Variants in DSCAML1 observed in about 807,000 individuals in gnomAD.
The protein encoded by DSCAML1 is DS cell adhesion molecule like 1.
DSCAML1 carries 38 observed loss-of-function variants against 200.5 expected under a neutral mutation model. The observed-to-expected ratio is 0.19, with a 90% confidence interval of 0.15 to 0.25. The LOEUF (loss-of-function observed/expected upper bound fraction) is 0.25. Ranked by LOEUF, DSCAML1 falls within the 10% of genes least tolerant of loss-of-function variation. The probability of loss-of-function intolerance (pLI) is 1.00; values close to 1 mark genes in which losing one functional copy is unlikely to be tolerated. For missense variants in DSCAML1, 2,223 were observed against 2,858.8 expected (o/e 0.78, Z 5.07); for synonymous variants, 1,215 against 1,165.0 (o/e 1.04, Z -0.87).
At chr11:117,508,058 C>T (rs1441069398) in intron 8 of DSCAML1, among the ~76,000 whole-genome samples, 2 of 152,144 alleles carry the variant, frequency 1.3e-5, no homozygotes, top group Admixed American at 6.5e-5. Flanking sequence ...ATCTAGGCCT[C>T]CCAGCTCCCT....
chr11:117,523,104 T>A (rs1413481093), intron 5 of DSCAML1, among the ~76,000 whole-genome samples: 4 of 152,178 alleles, frequency 2.6e-5, no homozygotes, highest in Non-Finnish European at 4.4e-5. Flanking sequence ...TACGTGTGCA[T>A]GCGTACTTGG....
chr11:117,657,933 G>A (rs2052767221), intron 3 of DSCAML1, among the ~76,000 whole-genome samples: 1 of 152,234 alleles, frequency 6.6e-6, no homozygotes, highest in Admixed American at 6.5e-5. Flanking sequence ...TGGTGCATAC[G>A]CTGGCCCAGC....
chr11:117,527,352 T>G (rs973652912), intron 4 of DSCAML1, among the ~76,000 whole-genome samples: 7 of 152,140 alleles, frequency 4.6e-5, no homozygotes, highest in African/African-American at 1.7e-4. Flanking sequence ...CCATCAGCAC[T>G]GCCCCTTCCA....
At chr11:117,622,729 A>G (rs2051958608) in intron 3 of DSCAML1, among the ~76,000 whole-genome samples, 1 of 152,174 alleles carries the variant, frequency 6.6e-6, no homozygotes. Context: ...AAACTGAAGC[A>G]GGTCAAGTTC....
At chr11:117,736,663 C>G (rs189496143) in intron 3 of DSCAML1, among the ~76,000 whole-genome samples, 3 of 152,324 alleles carry the variant, frequency 2.0e-5, no homozygotes, top group African/African-American at 7.2e-5. Flanking sequence ...CATTCTACAG[C>G]TAACAGCTCC....
At chr11:117,450,307 G>C (rs1027916418) in intron 20 of DSCAML1, among the ~76,000 whole-genome samples, 1 of 152,202 alleles carries the variant, frequency 6.6e-6, no homozygotes. Context: ...TGGCCCACCT[G>C]ACTCAAAAGA....
At chr11:117,659,832 C>A (rs577130985) in intron 3 of DSCAML1, among the ~76,000 whole-genome samples, 1 of 152,264 alleles carries the variant, frequency 6.6e-6, no homozygotes, top group Non-Finnish European at 1.5e-5. Context: ...GATTCTCCCA[C>A]CTCAGCCTCC....
At chr11:117,629,243 G>A (rs1406404741) in intron 3 of DSCAML1, among the ~76,000 whole-genome samples, 1 of 152,212 alleles carries the variant, frequency 6.6e-6, no homozygotes, top group African/African-American at 2.4e-5. Flanking sequence ...TCACTGTCTG[G>A]AGGCTGAAGC....
intron 15 of DSCAML1, among the ~76,000 whole-genome samples, chr11:117,470,899 G>A (rs1432111202): frequency 1.3e-5 from 2 of 152,186 alleles, no homozygotes; most frequent in African/African-American, 4.8e-5. Context: ...GATGAAGTAT[G>A]ATGTCATGAA....
intron 3 of DSCAML1, among the ~76,000 whole-genome samples, chr11:117,659,383 A>C (rs2052797295): frequency 6.6e-6 from 1 of 152,252 alleles, no homozygotes; most frequent in Non-Finnish European, 1.5e-5. Context: ...TAACAACTGG[A>C]AACTGGGGCC....
intron 3 of DSCAML1, among the ~76,000 whole-genome samples, chr11:117,659,868 G>A (rs1293780037): frequency 1.3e-5 from 2 of 148,540 alleles, no homozygotes; most frequent in Admixed American, 6.7e-5. Flanking sequence ...ACAGGTATGC[G>A]CTACCAGGCC....
intron 3 of DSCAML1, among the ~76,000 whole-genome samples, chr11:117,555,314 G>C (rs1385593701): frequency 2.6e-5 from 4 of 152,240 alleles, no homozygotes; most frequent in Non-Finnish European, 4.4e-5. Context: ...CTGTGTATCA[G>C]GCAGATGGCA....
intron 3 of DSCAML1, among the ~76,000 whole-genome samples, chr11:117,542,302 CAAA>C (rs2050283715): frequency 5.7e-5 from 3 of 52,340 alleles, no homozygotes; most frequent in Non-Finnish European, 1.3e-4. Context: ...ATCAAAAAAA[CAAA>C]ACAAAACAAA....
intron 3 of DSCAML1, among the ~76,000 whole-genome samples, chr11:117,588,150 G>A (rs1422817326): frequency 2.0e-5 from 3 of 152,158 alleles, no homozygotes; most frequent in Admixed American, 6.5e-5. Flanking sequence ...AGTGAGGGAG[G>A]CACTGAGGTC....
intron 3 of DSCAML1, among the ~76,000 whole-genome samples, chr11:117,686,723 G>A (rs1591399641): frequency 1.3e-5 from 2 of 152,210 alleles, no homozygotes; most frequent in South Asian, 4.1e-4. Context: ...CTGGGAGCGG[G>A]AGAAAGAGGC....
intron 1 of DSCAML1, 108 bp downstream of exon 1, chr11:117,796,926 G>C: frequency 2.5e-6 from 2 of 790,752 alleles, no homozygotes; most frequent in Non-Finnish European, 3.4e-6. Flanking sequence ...CTTGCACCCC[G>C]GTCGGTTCCC....
chr11:117,810,713 C>T (rs1338190524), intron 1 of DSCAML1, among the ~76,000 whole-genome samples: 1 of 152,162 alleles, frequency 6.6e-6, no homozygotes, highest in East Asian at 1.9e-4. Context: ...TCCAAATAGC[C>T]GGAAAACAGC....
intron 3 of DSCAML1, among the ~76,000 whole-genome samples, chr11:117,747,497 C>T (rs1052011003): frequency 1.2e-4 from 18 of 152,096 alleles, no homozygotes; most frequent in African/African-American, 3.9e-4. Flanking sequence ...CAATACTGAA[C>T]GCAAGGTAGG....
chr11:117,691,355 C>G (rs999049863), intron 3 of DSCAML1, among the ~76,000 whole-genome samples: 1 of 152,132 alleles, frequency 6.6e-6, no homozygotes, highest in Non-Finnish European at 1.5e-5. Context: ...CTACCTAGCC[C>G]TCTGCCAACG....
Sources: allele counts gnomAD v4.1 joint callset (sites outside exome capture counted in the v4.1 genomes callset), GRCh38; gene constraint gnomAD v4.1.1; transcripts MANE v1.5; gene names NCBI Gene and HGNC (gene_info 2026-07-23, HGNC 2026-07-21).